Variants in HNRNPUL1 observed in about 807,000 individuals in gnomAD.
HNRNPUL1 encodes heterogeneous nuclear ribonucleoprotein U like 1.
Under a neutral mutation model 108.5 loss-of-function variants are expected in HNRNPUL1, and 14 were observed. That is an observed-to-expected ratio of 0.13 (90% CI 0.09 to 0.20). HNRNPUL1 has a LOEUF of 0.20. Ranked by LOEUF, HNRNPUL1 falls within the 10% of genes least tolerant of loss-of-function variation. The pLI, the probability that HNRNPUL1 is intolerant of heterozygous loss-of-function variation, is 1.00. For synonymous variants in HNRNPUL1, 422 were observed against 445.2 expected (o/e 0.95, Z 0.66); for missense variants, 804 against 1,168.3 (o/e 0.69, Z 4.55).
At chr19:41,301,974 A>C (rs1204186103) in intron 11 of HNRNPUL1, among the ~76,000 whole-genome samples, 1 of 152,082 alleles carries the variant, frequency 6.6e-6, no homozygotes, top group Non-Finnish European at 1.5e-5. Context: ...CTGTGTGCTC[A>C]CCCTGCCTCT....
intron 1 of HNRNPUL1, among the ~76,000 whole-genome samples, chr19:41,266,070 C>A (rs2034822867): frequency 6.6e-6 from 1 of 151,968 alleles, no homozygotes; most frequent in Non-Finnish European, 1.5e-5. Flanking sequence ...GGAATGGGTT[C>A]GGGTAGACCT....
At chr19:41,271,256 G>C (rs2035220065) in intron 2 of HNRNPUL1, among the ~76,000 whole-genome samples, 1 of 152,204 alleles carries the variant, frequency 6.6e-6, no homozygotes, top group Non-Finnish European at 1.5e-5. Flanking sequence ...GTCAGGCTCT[G>C]TGAGACTTGT....
upstream of HNRNPUL1, among the ~76,000 whole-genome samples, chr19:41,263,859 T>G (rs1271854961): frequency 6.6e-6 from 1 of 152,118 alleles, no homozygotes; most frequent in Non-Finnish European, 1.5e-5. Context: ...TCCTGGTGAA[T>G]TCATCTCTTT....
Position 41,304,146 on chromosome 19 carries a change from G to C in HNRNPUL1, c.2147G>C (p.Ser716Thr), listed in dbSNP as rs1217249877. 6.2e-7 allele frequency: 1 copy of C among 1,614,078 alleles called. No individual in the cohort carries two copies. Among genetic ancestry groups the C allele is most frequent in the Non-Finnish European group, 8.5e-7 (1 of 1,180,014 alleles). Residue 716 changes from serine (S) to threonine (T), a missense_variant, in exon 13 of 15, where the codon AGC becomes ACC. Around this residue, in one of 4 missense-constraint regions of HNRNPUL1, gnomAD observed 294 missense variants for 388.3 expected, o/e 0.76. Coordinates refer to ENST00000392006, the MANE Select transcript of HNRNPUL1 (RefSeq NM_007040.6). ...CCCCAGCAGCCACCGCCACCACCCAGCTACAGCCCTGCTCGGAACCCCCCA... is the reference window on the plus strand; with the variant it reads ...CCCCAGCAGCCACCGCCACCACCCACCTACAGCCCTGCTCGGAACCCCCCA... ...PPPQQPPPPP[S>T]YSPARNPPGA...
At chr19:41,283,469 G>A (rs1367029364) in intron 7 of HNRNPUL1, among the ~76,000 whole-genome samples, 1 of 151,350 alleles carries the variant, frequency 6.6e-6, no homozygotes, top group African/African-American at 2.4e-5. Flanking sequence ...TGTTTGTTTT[G>A]TTTTGAGACG....
chr19:41,296,195 G>C (rs984364690), intron 10 of HNRNPUL1, among the ~76,000 whole-genome samples: 1 of 152,216 alleles, frequency 6.6e-6, no homozygotes, highest in Non-Finnish European at 1.5e-5. Context: ...TGGCCTAGGG[G>C]AGAATGATTA....
intron 10 of HNRNPUL1, chr19:41,298,590 C>T (rs2122902196): frequency 6.6e-6 from 1 of 152,298 alleles, no homozygotes; most frequent in East Asian, 1.9e-4. Flanking sequence ...TACTCTTCTT[C>T]CCTTCCCCAA....
chr19:41,281,613 C>T (rs2035903825), intron 7 of HNRNPUL1, among the ~76,000 whole-genome samples: 1 of 152,112 alleles, frequency 6.6e-6, no homozygotes, highest in Non-Finnish European at 1.5e-5. Context: ...AGCCTGTCTG[C>T]TCCTGAAGGC....
rs377423255 is a variant in HNRNPUL1 at position 41,304,087 on chromosome 19, G to A, written c.2088G>A (p.Pro696=). Reference sequence around the variant, plus strand: ...ACAACCGGGCTCCCCAGCAACAGCCGCCACCACAGCAGCCTCCGCCACCAC... The same window carrying A: ...ACAACCGGGCTCCCCAGCAACAGCCACCACCACAGCAGCCTCCGCCACCAC... ...GSYNRAPQQQ[P]PPQQPPPPQP... The change falls in exon 13 of 15, where the codon CCG becomes CCA. Residue 696 remains proline (P), a synonymous_variant. Coordinates refer to ENST00000392006, the MANE Select transcript of HNRNPUL1 (RefSeq NM_007040.6). 160 of 1,612,812 alleles carry A rather than the reference G, an allele frequency of 9.9e-5. 1 individual carries two copies. Among genetic ancestry groups the A allele is most frequent in the South Asian group, 9.8e-4 (89 of 91,066 alleles).
chr19:41,268,048 G>C, intron 1 of HNRNPUL1, 175 bp from the exon 2 acceptor site: 2 of 528,850 alleles, frequency 3.8e-6, no homozygotes, highest in South Asian at 6.5e-5. Context: ...GGGCAAGCTT[G>C]TCTTCAGCTG....
Position 41,306,669 on chromosome 19 carries a change from G to C in HNRNPUL1, c.*104G>C. 1.5e-6 allele frequency: 1 copy of C among 677,858 alleles called. No homozygotes were observed. Among genetic ancestry groups the C allele is most frequent in the Non-Finnish European group, 2.3e-6 (1 of 431,876 alleles). 42.0% of individuals were successfully genotyped at this position (677,858 alleles called of 1,614,324 possible). A position where few individuals can be genotyped will look rare whatever the true frequency, so the allele number is the denominator to read the frequency against. ...GCCAGATCCCGTGGTGCTGGGGATG[G>C]GGTCATCCCAGGGCTGCCTCCCTCC... On this transcript the variant is annotated 3_prime_UTR_variant, in exon 15 of 15. Transcript: ENST00000392006.
In HNRNPUL1 at chr19:41,306,579, G is replaced by C; in HGVS notation, c.*14G>C. ...AGTACACAGTAGCCAGTGTGACCCA[G>C]AGGCTCCCGGAGGCCCCTGCCGGCT... On this transcript the variant is annotated 3_prime_UTR_variant, in exon 15 of 15. Transcript: ENST00000392006. 1 of 1,443,876 alleles carries C rather than the reference G, an allele frequency of 6.9e-7. No individual in the cohort carries two copies. Among genetic ancestry groups the C allele is most frequent in the Non-Finnish European group, 9.2e-7 (1 of 1,082,270 alleles). The allele number at this position is 1,443,876 out of a possible 1,614,324, so 89.4% of individuals were successfully genotyped here.
At chr19:41,305,533 A>C in intron 13 of HNRNPUL1, 143 bp from the exon 14 acceptor site, 1 of 1,011,156 alleles carries the variant, frequency 9.9e-7, no homozygotes, top group Admixed American at 2.1e-5. Context: ...CCTCCTTCTC[A>C]GCCCACAAAC....
chr19:41,289,820 C>T (rs560408580), intron 7 of HNRNPUL1, among the ~76,000 whole-genome samples: 1 of 147,270 alleles, frequency 6.8e-6, no homozygotes, highest in South Asian at 2.2e-4. Context: ...TCAAGTGATT[C>T]TCCTGCCTCA....
At chr19:41,300,708 A>G (rs1465703952) in intron 10 of HNRNPUL1, among the ~76,000 whole-genome samples, 1 of 152,198 alleles carries the variant, frequency 6.6e-6, no homozygotes, top group Non-Finnish European at 1.5e-5. Flanking sequence ...TCTCAACCAC[A>G]TATGTGCTAG....
At position 41,292,395 on chromosome 19, in the gene HNRNPUL1, G is replaced by T; in HGVS notation, c.1150G>T (p.Gly384Ter). ...GAATTGCGCAGTGGAGTTCAACTTCGGACAGAGAGCAGAGCCCTACTGTTC... is the reference window on the plus strand; with the variant it reads ...GAATTGCGCAGTGGAGTTCAACTTCTGACAGAGAGCAGAGCCCTACTGTTC... ...VKNCAVEFNFGQRAEPYCSVL... is the reference protein window; with the variant it reads ...VKNCAVEFNF Residue 384 changes from glycine to a stop codon, truncating the protein, a stop_gained, in exon 8 of 15, where the codon GGA becomes TGA. Transcript: ENST00000392006. LOFTEE classifies it high-confidence loss of function. The surrounding 1 kb of genome is among the most constrained non-coding windows in gnomAD (Gnocchi z 4.1). 6.2e-7 allele frequency: 1 copy of T among 1,614,162 alleles called. No individual in the cohort carries two copies. Among genetic ancestry groups the T allele is most frequent in the Non-Finnish European group, 8.5e-7 (1 of 1,180,042 alleles).
Position 41,294,291 on chromosome 19 carries a change from GTGCCATACCACCA to G in HNRNPUL1, c.1267-42_1267-30del, listed in dbSNP as rs1415516669. 6.2e-7 allele frequency: 1 copy of G among 1,607,314 alleles called. No individual in the cohort carries two copies. Among genetic ancestry groups the G allele is most frequent in the Admixed American group, 1.7e-5 (1 of 59,774 alleles). Reference sequence around the variant, plus strand: ...CTCACAGTCACCACCGAGCCAAGTGGTGCCATACCACCATGCCGCAACACCTTCCCTGTCTTGT... The same window carrying G: ...CTCACAGTCACCACCGAGCCAAGTGGTGCCGCAACACCTTCCCTGTCTTGT... On this transcript the variant is annotated intron_variant, in intron 8 of 14. Transcript: ENST00000392006. This position sits in a 1 kb window ranked among gnomAD's most constrained non-coding sequence, Gnocchi z 4.3.
chr19:41,279,164 A>G lies in HNRNPUL1; in HGVS notation c.874A>G (p.Ser292Gly), dbSNP rs2035757819. Residue 292 changes from serine (S) to glycine (G), a missense_variant, in exon 6 of 15, where the codon AGC becomes GGC. Ser to Gly is a moderately conservative substitution (Grantham distance 56). This residue lies in a region of HNRNPUL1 where 174 missense variants were observed against 296.6 expected (regional missense o/e 0.59). Coordinates refer to ENST00000392006, the MANE Select transcript of HNRNPUL1 (RefSeq NM_007040.6). ...VRIGWSLDSC[S>G]TQLGEEPFSY... ...TATCGGCTGGTCCCTGGACTCCTGC[A>G]GCACCCAGCTAGGTAAGGAGGGGTC... 1 of 1,612,390 alleles carries G rather than the reference A, an allele frequency of 6.2e-7. No individual in the cohort carries two copies. Among genetic ancestry groups the G allele is most frequent in the East Asian group, 2.2e-5 (1 of 44,880 alleles).
At chr19:41,303,012 T>C in intron 12 of HNRNPUL1, 63 bp downstream of exon 12, 1 of 1,477,828 alleles carries the variant, frequency 6.8e-7, no homozygotes, top group Admixed American at 2.3e-5. Context: ...GGGCTTTGAC[T>C]GCTTATTCAA....
Sources: gnomAD v4.1 joint callset for allele counts (sites outside exome capture counted in the v4.1 genomes callset) on GRCh38, gnomAD v4.1.1 for gene constraint, gnomAD v4.1.1 regional missense constraint, Gnocchi (gnomAD v3.1) non-coding constraint, MANE v1.5 for transcripts, NCBI Gene and HGNC (gene_info 2026-07-23, HGNC 2026-07-21) for gene names.